The following ABCC5 variants were observed in gnomAD, a reference collection of about 807,000 sequenced individuals.
ABCC5 encodes the protein ATP binding cassette subfamily C member 5.
ABCC5 carries 61 observed loss-of-function variants against 160.9 expected under a neutral mutation model. The observed-to-expected ratio is 0.38, with a 90% CI of 0.31 to 0.47. The LOEUF (loss-of-function observed/expected upper bound fraction) is 0.47, where lower values mean the gene tolerates loss of function less well. Ranked by LOEUF, ABCC5 falls within the 20% of genes least tolerant of loss-of-function variation. The probability of loss-of-function intolerance (pLI) is 0.99; values close to 1 mark genes in which losing one functional copy is unlikely to be tolerated. For missense variants in ABCC5, 1,308 were observed against 1,813.3 expected (o/e 0.72, Z 5.06); for synonymous variants, 666 against 700.6 (o/e 0.95, Z 0.78).
chr3:183,958,079 T>A (rs545342479), intron 17 of ABCC5, among the ~76,000 whole-genome samples: 4 of 151,968 alleles, frequency 2.6e-5, no homozygotes, highest in African/African-American at 9.7e-5. Flanking sequence ...TTTGTGTGTA[T>A]ATCACATCTG....
chr3:183,993,594 T>C (rs571280157), intron 2 of ABCC5, among the ~76,000 whole-genome samples: 3 of 152,124 alleles, frequency 2.0e-5, no homozygotes, highest in Non-Finnish European at 4.4e-5. Flanking sequence ...AGAATTCTAT[T>C]AGATTCCTCT....
At chr3:183,968,359 C>T (rs1221476364) in intron 11 of ABCC5, among the ~76,000 whole-genome samples, 1 of 152,122 alleles carries the variant, frequency 6.6e-6, no homozygotes, top group Non-Finnish European at 1.5e-5. Context: ...ATCCACCCAC[C>T]TCGGCCTCCC....
In ABCC5 at chr3:183,959,052, T is replaced by TACACACACAC. The variant is rs59592606; in HGVS notation, c.2482+671_2482+680dup. Among the ~76,000 whole-genome samples, 948 of 148,150 alleles carry TACACACACAC rather than the reference T, an allele frequency of 6.4e-3. 5 individuals carry two copies. The highest frequency in any genetic ancestry group is 0.013 in the East Asian group (64 of 4,958). ...AACACACATGTCTACATCTATACAG[T>TACACACACAC]ACACACACACACACACACACACACA... On this transcript the variant is annotated intron_variant, in intron 17 of 29. Transcript: ENST00000334444.
At position 183,988,110 on chromosome 3, in the gene ABCC5, A is replaced by C. The variant is rs769681141; in HGVS notation, c.444-193T>G. Among the ~76,000 whole-genome samples, 6 of 152,272 alleles carry C rather than the reference A, an allele frequency of 3.9e-5. No homozygotes were observed. Among genetic ancestry groups the C allele is most frequent in the Non-Finnish European group, 7.4e-5 (5 of 68,008 alleles). On this transcript the variant is annotated intron_variant, in intron 4 of 29. Coordinates refer to ENST00000334444, the MANE Select transcript of ABCC5 (RefSeq NM_005688.4). This position sits in a 1 kb window ranked among gnomAD's most constrained non-coding sequence, Gnocchi z 4.4. ...GGGAACTACACATTTACCCTGTATA[A>C]GGAGCCTCCCAGGATACAGAAAATG...
intron 5 of ABCC5, chr3:183,985,058 GA>G (rs1302207012): frequency 3.2e-5 from 22 of 681,720 alleles, no homozygotes; most frequent in South Asian, 1.4e-4. Flanking sequence ...CAAAGGGGGG[GA>G]AAAAGAGGAA....
chr3:184,011,631 T>C (rs141466350), intron 2 of ABCC5, among the ~76,000 whole-genome samples: 1 of 152,302 alleles, frequency 6.6e-6, no homozygotes, highest in Non-Finnish European at 1.5e-5. Context: ...TAATTGCCAT[T>C]AACTGGAAAT....
intron 26 of ABCC5, among the ~76,000 whole-genome samples, chr3:183,933,750 A>G (rs528910374): frequency 1.3e-5 from 2 of 152,060 alleles, no homozygotes; most frequent in African/African-American, 4.8e-5. Context: ...ACACAGAACA[A>G]CTCAACAATT....
intron 25 of ABCC5, among the ~76,000 whole-genome samples, chr3:183,939,346 T>C (rs1204630113): frequency 6.6e-6 from 1 of 152,140 alleles, no homozygotes; most frequent in Non-Finnish European, 1.5e-5. Flanking sequence ...GGCAGGAGAA[T>C]CACTTGAACC....
At chr3:183,934,509 A>G (rs1713492027) in intron 26 of ABCC5, among the ~76,000 whole-genome samples, 1 of 152,234 alleles carries the variant, frequency 6.6e-6, no homozygotes, top group South Asian at 2.1e-4. Flanking sequence ...ACCTAAGCTC[A>G]GTAGCTACAA....
chr3:183,967,612 C>T, intron 12 of ABCC5, 83 bp downstream of exon 12: 3 of 1,217,336 alleles, frequency 2.5e-6, no homozygotes, highest in Non-Finnish European at 3.6e-6. Flanking sequence ...CCTTTCCTGA[C>T]TCTCCAGGAA....
At chr3:183,930,985 C>A (rs1713121136) in intron 26 of ABCC5, among the ~76,000 whole-genome samples, 1 of 152,140 alleles carries the variant, frequency 6.6e-6, no homozygotes, top group Non-Finnish European at 1.5e-5. Context: ...CCTCAAACCA[C>A]AAATAGTACT....
At chr3:183,984,950 G>T in intron 5 of ABCC5, 1 of 1,470,990 alleles carries the variant, frequency 6.8e-7, no homozygotes, top group Non-Finnish European at 9.2e-7. Flanking sequence ...CCTTTAGAGT[G>T]CCATTTTTCA....
chr3:183,998,397 G>A lies in ABCC5; in HGVS notation c.130-9014C>T, dbSNP rs140034578. Among the ~76,000 whole-genome samples, 424 of 152,302 alleles carry A rather than the reference G, an allele frequency of 2.8e-3. 4 individuals carry two copies. Among genetic ancestry groups the A allele is most frequent in the African/African-American group, 9.1e-3 (378 of 41,556 alleles). On this transcript the variant is annotated intron_variant, in intron 2 of 29. Transcript: ENST00000334444. ...TGTGTACAGCCAAATCTCACGACTA[G>A]TATGCATTTATAAAGGCAAGCTTTT...
intron 5 of ABCC5, chr3:183,985,425 C>T: frequency 2.0e-6 from 3 of 1,522,318 alleles, no homozygotes; most frequent in South Asian, 1.1e-5. Context: ...GAGACTCCCC[C>T]CAAATCCAGA....
rs1250458202 is a variant in ABCC5 at position 183,987,887 on chromosome 3, A to G, written c.474T>C (p.Asn158=). Residue 158 remains asparagine (N), a synonymous_variant, in exon 5 of 30, where the codon AAT becomes AAC. Coordinates refer to ENST00000334444, the MANE Select transcript of ABCC5 (RefSeq NM_005688.4). The surrounding 1 kb of genome is among the most constrained non-coding windows in gnomAD (Gnocchi z 4.2). ...GGGAAGCAGCGTCTGGCCCAACTTC[A>G]TTCAGCTCTTCTTGCCACAGTCTCT... ...RLERLWQEEL[N]EVGPDAASLR... The G allele has an allele frequency of 1.9e-6, 3 of 1,614,150 alleles. No individual in the cohort carries two copies. In the East Asian group the frequency reaches 6.7e-5, roughly 36 times the overall value.
intron 8 of ABCC5, among the ~76,000 whole-genome samples, chr3:183,980,063 C>T (rs969511672): frequency 3.9e-5 from 6 of 152,012 alleles, no homozygotes; most frequent in East Asian, 1.9e-4. Context: ...TTAGTAGAGA[C>T]GGGGTTTTGC....
chr3:183,930,828 A>C (rs1372057362), intron 26 of ABCC5, among the ~76,000 whole-genome samples: 1 of 152,212 alleles, frequency 6.6e-6, no homozygotes, highest in Non-Finnish European at 1.5e-5. Context: ...TGTTGTTTGA[A>C]GCCATCCAGT....
intron 12 of ABCC5, 162 bp downstream of exon 12, chr3:183,967,533 G>T: frequency 1.5e-6 from 1 of 655,224 alleles, no homozygotes; most frequent in Non-Finnish European, 2.7e-6. Context: ...GGCTGTGAAG[G>T]GGGAGAACTG....
chr3:183,975,959 C>T (rs1718178452), intron 10 of ABCC5, among the ~76,000 whole-genome samples: 2 of 152,324 alleles, frequency 1.3e-5, no homozygotes, highest in African/African-American at 4.8e-5. Context: ...AATCCATTCA[C>T]TAACAAGAAT....
Sources: gnomAD v4.1 joint callset for allele counts (sites outside exome capture counted in the v4.1 genomes callset) on GRCh38, gnomAD v4.1.1 for gene constraint, Gnocchi (gnomAD v3.1) non-coding constraint, MANE v1.5 for transcripts, NCBI Gene and HGNC (gene_info 2026-07-23, HGNC 2026-07-21) for gene names.